PHIP: variants seen among roughly 807,000 people sequenced by gnomAD.
PHIP encodes PHIP subunit of CUL4-Ring ligase complex.
A neutral mutation model predicts 236.8 loss-of-function variants in PHIP; 54 were observed. The ratio of observed to expected loss-of-function variants is 0.23; its 90% CI spans 0.18 to 0.29. PHIP has a LOEUF of 0.29. Ranked by LOEUF, PHIP falls within the 10% of genes least tolerant of loss-of-function variation. The pLI, the probability that PHIP is intolerant of heterozygous loss-of-function variation, is 1.00. For synonymous variants in PHIP, 756 were observed against 718.9 expected, an observed-to-expected ratio of 1.05 and a Z score of -0.83; for missense variants, 1,370 against 2,190.8, an observed-to-expected ratio of 0.63 and a Z score of 7.48.
intron 15 of PHIP, among the ~76,000 whole-genome samples, chr6:79,008,464 T>C (rs1443538530): frequency 6.6e-6 from 1 of 152,166 alleles, no homozygotes; most frequent in African/African-American, 2.4e-5. Flanking sequence ...TAACATCATT[T>C]TGTACCCATA....
At chr6:78,973,693 C>A (rs1217486916) in intron 24 of PHIP, among the ~76,000 whole-genome samples, 2 of 151,164 alleles carry the variant, frequency 1.3e-5, no homozygotes, top group Non-Finnish European at 2.9e-5. Flanking sequence ...ATGTACCAAG[C>A]AAATGGAAAA....
intron 6 of PHIP, among the ~76,000 whole-genome samples, chr6:79,053,545 T>C (rs1343155573): frequency 6.6e-6 from 1 of 152,192 alleles, no homozygotes; most frequent in Non-Finnish European, 1.5e-5. Flanking sequence ...GGCTTCCTTA[T>C]GGAGCTGAAC....
intron 4 of PHIP, among the ~76,000 whole-genome samples, chr6:79,066,057 T>C (rs1237076760): frequency 6.6e-6 from 1 of 151,986 alleles, no homozygotes. Flanking sequence ...AATATAATAA[T>C]AAAATCTCTT....
chr6:79,029,084 AAAAC>A (rs1771535850), intron 7 of PHIP, among the ~76,000 whole-genome samples: 1 of 152,350 alleles, frequency 6.6e-6, no homozygotes, highest in Middle Eastern at 3.4e-3. Context: ...ACAAGTGCTG[AAAAC>A]AAACAAAAAT....
chr6:79,017,070 T>C (rs1770866052), intron 12 of PHIP, among the ~76,000 whole-genome samples: 1 of 151,990 alleles, frequency 6.6e-6, no homozygotes, highest in Admixed American at 6.6e-5. Flanking sequence ...TTTCAATCTA[T>C]ACCAAAAGCT....
At chr6:78,997,688 T>A in intron 18 of PHIP, 91 bp from the exon 19 acceptor site, 1 of 1,010,536 alleles carries the variant, frequency 9.9e-7, no homozygotes, top group Non-Finnish European at 1.4e-6. Context: ...CTATCTTCCA[T>A]AAGAAACTTC....
intron 7 of PHIP, among the ~76,000 whole-genome samples, chr6:79,029,780 T>C (rs886385497): frequency 6.6e-6 from 1 of 152,202 alleles, no homozygotes; most frequent in African/African-American, 2.4e-5. Context: ...TCCACCCACC[T>C]TGGCCTCCCA....
In PHIP at chr6:78,941,350, C is replaced by T. The variant is rs759428136; in HGVS notation, c.4829-20G>A. 2 of 1,578,338 alleles carry T rather than the reference C, an allele frequency of 1.3e-6. No individual in the cohort carries two copies. Among genetic ancestry groups the T allele is most frequent in the Non-Finnish European group, 1.7e-6 (2 of 1,162,026 alleles). ...AATCTCCTAAAAGGGAACAACAGTA[C>T]ACTTAATATATGGAGTTTCTTTTTT... On this transcript the variant is annotated intron_variant, in intron 39 of 39. Coordinates refer to ENST00000275034, the MANE Select transcript of PHIP (RefSeq NM_017934.7).
At chr6:79,046,631 C>T (rs1772499590) in intron 6 of PHIP, among the ~76,000 whole-genome samples, 1 of 152,080 alleles carries the variant, frequency 6.6e-6, no homozygotes, top group Admixed American at 6.6e-5. Context: ...AATCCCAGCA[C>T]TTTGGGAGGC....
At chr6:79,069,611 T>C (rs553889147) in intron 4 of PHIP, among the ~76,000 whole-genome samples, 23 of 152,262 alleles carry the variant, frequency 1.5e-4, no homozygotes, top group African/African-American at 5.3e-4. Flanking sequence ...ATTTTTATTA[T>C]GTTACAGCTT....
chr6:79,019,244 A>G (rs1281001123), intron 9 of PHIP, 85 bp from the exon 10 acceptor site: 3 of 995,628 alleles, frequency 3.0e-6, no homozygotes, highest in Non-Finnish European at 4.7e-6. Flanking sequence ...ATAATCCCAG[A>G]AGGACAAAAT....
At position 78,961,670 on chromosome 6, in the gene PHIP, C is replaced by G. The variant is rs748864163; in HGVS notation, c.3656+20G>C. On this transcript the variant is annotated intron_variant, in intron 31 of 39. Transcript: ENST00000275034. ...ATCACCAGCTTTCCTTTGATAGTAG[C>G]TACATCAAATGGTTCTAACCTGTAA... 2 of 1,607,726 alleles carry G rather than the reference C, an allele frequency of 1.2e-6. No individual in the cohort carries two copies. The highest frequency in any genetic ancestry group is 1.7e-6 in the Non-Finnish European group (2 of 1,176,430).
chr6:78,961,102 G>A lies in PHIP; in HGVS notation c.3656+588C>T, dbSNP rs555384820. Among the ~76,000 whole-genome samples the A allele has an allele frequency of 4.6e-5, 7 of 151,996 alleles. No individual in the cohort carries two copies. In the South Asian group the frequency reaches 1.0e-3, roughly 23 times the overall value. On this transcript the variant is annotated intron_variant, in intron 31 of 39. Transcript: ENST00000275034. ...TTAGGTAATAATAAAGCCTACTGAC[G>A]ATTAAAGACATTCATCAAAATTACC... is the stretch of plus-strand genomic sequence containing the variant.
At chr6:78,959,627 T>C (rs1003631014) in intron 31 of PHIP, among the ~76,000 whole-genome samples, 4 of 152,162 alleles carry the variant, frequency 2.6e-5, no homozygotes, top group South Asian at 4.1e-4. Context: ...CATCATTGTA[T>C]TGAATAAGAA....
Position 78,963,272 on chromosome 6 carries a change from C to A in PHIP, c.3380-20G>T. The A allele has an allele frequency of 6.3e-7, 1 of 1,585,330 alleles. No individual in the cohort carries two copies. The highest frequency in any genetic ancestry group is 1.4e-5 in the African/African-American group (1 of 73,538). On this transcript the variant is annotated intron_variant, in intron 29 of 39. Transcript: ENST00000275034. ...ATACAGCTGAAATAGAAAAGCAGAT[C>A]ATTGCAAATACATGGTAACTTATTA... is the stretch of plus-strand genomic sequence containing the variant.
At chr6:78,956,885 T>A (rs1014518948) in intron 32 of PHIP, 1 of 152,086 alleles carries the variant, frequency 6.6e-6, no homozygotes, top group Non-Finnish European at 1.5e-5. Flanking sequence ...TTCTTACAGA[T>A]TTATCTATCC....
chr6:79,059,080 A>AC (rs1219297311), intron 6 of PHIP, among the ~76,000 whole-genome samples: 2 of 152,138 alleles, frequency 1.3e-5, no homozygotes, highest in African/African-American at 4.8e-5. Context: ...AAAAAAAATC[A>AC]TAGATGATTA....
intron 7 of PHIP, among the ~76,000 whole-genome samples, chr6:79,033,095 T>C (rs1177826989): frequency 2.0e-5 from 3 of 151,966 alleles, no homozygotes; most frequent in Non-Finnish European, 2.9e-5. Context: ...GTATCAACAG[T>C]GGGCTTAAAA....
intron 6 of PHIP, among the ~76,000 whole-genome samples, chr6:79,044,956 T>C (rs894912440): frequency 1.3e-5 from 2 of 152,068 alleles, no homozygotes; most frequent in African/African-American, 2.4e-5. Context: ...TGGAAGCCAA[T>C]TGAAAAAAAA....
Sources: gnomAD v4.1 joint callset for allele counts (sites outside exome capture counted in the v4.1 genomes callset) on GRCh38, gnomAD v4.1.1 for gene constraint, MANE v1.5 for transcripts, NCBI Gene and HGNC (gene_info 2026-07-23, HGNC 2026-07-21) for gene names.